NPAS3: variants seen among roughly 807,000 people sequenced by gnomAD.
NPAS3 encodes the protein neuronal PAS domain protein 3.
A neutral mutation model predicts 73.1 loss-of-function variants in NPAS3; 14 were observed. The observed-to-expected ratio is 0.19, with a 90% CI of 0.13 to 0.30. The LOEUF (loss-of-function observed/expected upper bound fraction) is 0.30. NPAS3 is among the 10% of genes least tolerant of loss of function. The pLI, the probability that NPAS3 is intolerant of heterozygous loss-of-function variation, is 1.00. For missense variants in NPAS3, 1,096 were observed against 1,250.0 expected (o/e 0.88, Z 1.86); for synonymous variants, 620 against 541.5 (o/e 1.14, Z -2.01).
intron 4 of NPAS3, among the ~76,000 whole-genome samples, chr14:33,438,391 C>T (rs1005083004): frequency 6.6e-6 from 1 of 152,174 alleles, no homozygotes; most frequent in Non-Finnish European, 1.5e-5. Flanking sequence ...ACTGCTGAAA[C>T]TTACCTTTCC....
intron 4 of NPAS3, among the ~76,000 whole-genome samples, chr14:33,420,518 G>A (rs2048325748): frequency 6.6e-6 from 1 of 151,434 alleles, no homozygotes; most frequent in Admixed American, 6.6e-5. Flanking sequence ...TTTTTTTAAA[G>A]CACAAACATT....
rs1007035533 is a variant in NPAS3 at position 33,645,913 on chromosome 14, G to A, written c.559-30298G>A. ...CTTCAACAGACCTTCATTGAGGGCC[G>A]TCACACCATGGGAGCTGGAAGCACA... On this transcript the variant is annotated intron_variant, in intron 5 of 11. Transcript: ENST00000356141. 7.9e-5 allele frequency among the ~76,000 whole-genome samples: 12 copies of A among 152,214 alleles called. No individual in the cohort carries two copies. The East Asian group carries it at 9.6e-4, about 12-fold the overall frequency.
chr14:33,107,421 T>C (rs1402811477), intron 2 of NPAS3, among the ~76,000 whole-genome samples: 3 of 151,622 alleles, frequency 2.0e-5, no homozygotes, highest in Non-Finnish European at 4.4e-5. Context: ...CTCCCCTGTC[T>C]AGTAGTTCCC....
At chr14:33,497,963 A>G (rs930189425) in intron 4 of NPAS3, among the ~76,000 whole-genome samples, 1 of 152,200 alleles carries the variant, frequency 6.6e-6, no homozygotes, top group African/African-American at 2.4e-5. Context: ...AAGGGCTAAT[A>G]TCCAGATTCT....
At chr14:33,704,164 T>C (rs971197471) in intron 6 of NPAS3, among the ~76,000 whole-genome samples, 1 of 152,194 alleles carries the variant, frequency 6.6e-6, no homozygotes, top group African/African-American at 2.4e-5. Flanking sequence ...CGCAGTGAAA[T>C]CTAGAGAATT....
At chr14:32,956,974 G>A (rs2036695897) in intron 1 of NPAS3, among the ~76,000 whole-genome samples, 1 of 152,164 alleles carries the variant, frequency 6.6e-6, no homozygotes, top group Non-Finnish European at 1.5e-5. Context: ...TCCAGTGAGA[G>A]CACTGAGTTC....
intron 6 of NPAS3, among the ~76,000 whole-genome samples, chr14:33,704,818 T>G (rs910666686): frequency 1.3e-5 from 2 of 152,230 alleles, no homozygotes; most frequent in African/African-American, 4.8e-5. Context: ...TTTTGAATGC[T>G]GCTTAATGGA....
intron 4 of NPAS3, among the ~76,000 whole-genome samples, chr14:33,524,933 C>A (rs927528106): frequency 2.0e-5 from 3 of 152,124 alleles, no homozygotes; most frequent in Non-Finnish European, 4.4e-5. Context: ...AAACTAATAA[C>A]CCCATCTTAA....
chr14:33,550,981 T>C (rs1595137463), intron 4 of NPAS3, among the ~76,000 whole-genome samples: 1 of 152,350 alleles, frequency 6.6e-6, no homozygotes, highest in South Asian at 2.1e-4. Context: ...ATCATATTTA[T>C]AGCTGTATGT....
At chr14:33,749,235 A>G (rs912974424) in intron 7 of NPAS3, among the ~76,000 whole-genome samples, 1 of 152,218 alleles carries the variant, frequency 6.6e-6, no homozygotes, top group Non-Finnish European at 1.5e-5. Flanking sequence ...CTTTAAACAC[A>G]ATATAGATTC....
At chr14:33,411,298 G>A (rs1357343674) in intron 4 of NPAS3, among the ~76,000 whole-genome samples, 3 of 151,986 alleles carry the variant, frequency 2.0e-5, no homozygotes, top group East Asian at 3.9e-4. Flanking sequence ...TTCTCCTGCC[G>A]CAGCCTCCCA....
intron 2 of NPAS3, among the ~76,000 whole-genome samples, chr14:33,187,785 ATATT>A (rs1471818458): frequency 7.2e-5 from 11 of 152,132 alleles, no homozygotes; most frequent in African/African-American, 2.2e-4. Flanking sequence ...TATCTATTAA[ATATT>A]TATGCTGGGC....
chr14:33,667,725 ATACACCATGGCCATGG>A (rs929260776), intron 5 of NPAS3, among the ~76,000 whole-genome samples: 11 of 152,298 alleles, frequency 7.2e-5, no homozygotes, highest in African/African-American at 2.6e-4. Flanking sequence ...GAAATAAATT[ATACACCATGGCCATGG>A]TGCACACATG....
intron 3 of NPAS3, among the ~76,000 whole-genome samples, chr14:33,270,890 A>G (rs960563622): frequency 6.6e-6 from 1 of 152,160 alleles, no homozygotes; most frequent in Non-Finnish European, 1.5e-5. Flanking sequence ...CACTGGAAAT[A>G]CCAAATACCC....
chr14:33,768,580 A>G (rs531478332), intron 7 of NPAS3, among the ~76,000 whole-genome samples: 3 of 152,338 alleles, frequency 2.0e-5, no homozygotes, highest in African/African-American at 7.2e-5. Flanking sequence ...GCTACAGCAC[A>G]GGAAGTGCCA....
chr14:33,159,980 AAACTC>A (rs769425313), intron 2 of NPAS3, among the ~76,000 whole-genome samples: 2 of 152,224 alleles, frequency 1.3e-5, no homozygotes, highest in African/African-American at 2.4e-5. Flanking sequence ...AATTAAGACT[AAACTC>A]AACAAATTTA....
chr14:33,266,807 C>G (rs201989912), intron 3 of NPAS3, among the ~76,000 whole-genome samples: 1 of 152,162 alleles, frequency 6.6e-6, no homozygotes, highest in Non-Finnish European at 1.5e-5. Context: ...GGCTAGTACT[C>G]TAGCCACTAC....
At chr14:33,226,188 C>T (rs1430351561) in intron 3 of NPAS3, among the ~76,000 whole-genome samples, 2 of 152,288 alleles carry the variant, frequency 1.3e-5, no homozygotes, top group East Asian at 3.9e-4. Flanking sequence ...CAGACTAAGG[C>T]TATTCACATA....
At chr14:33,021,678 A>T (rs944018305) in intron 1 of NPAS3, among the ~76,000 whole-genome samples, 4 of 152,112 alleles carry the variant, frequency 2.6e-5, no homozygotes, top group African/African-American at 9.7e-5. Flanking sequence ...AATTATTTGC[A>T]CCCTAATATT....
Sources: allele counts gnomAD v4.1 joint callset (sites outside exome capture counted in the v4.1 genomes callset), GRCh38; gene constraint gnomAD v4.1.1; transcripts MANE v1.5; gene names NCBI Gene and HGNC (gene_info 2026-07-23, HGNC 2026-07-21).